PGM2: variants seen among roughly 807,000 people sequenced by gnomAD.
PGM2 encodes the protein phosphopentomutase.
A neutral mutation model predicts 74.6 loss-of-function variants in PGM2; 57 were observed. That is an observed-to-expected ratio of 0.76 (90% CI 0.62 to 0.95). The LOEUF is 0.95. Ranked by LOEUF, PGM2 falls within the 40% of genes least tolerant of loss-of-function variation. The pLI, the probability that PGM2 is intolerant of heterozygous loss-of-function variation, is 0.00. For synonymous variants in PGM2, 273 were observed against 260.7 expected (o/e 1.05, Z -0.46); for missense variants, 706 against 741.9 (o/e 0.95, Z 0.56).
rs1168617184 is a variant in PGM2 at position 37,850,303 on chromosome 4, G to A, written c.1532G>A (p.Gly511Asp). The A allele has an allele frequency of 3.8e-6, 6 of 1,590,722 alleles. No homozygotes were observed. The East Asian group carries it at 1.4e-4, about 36-fold the overall frequency. Reference protein sequence around the residue: ...DGKNNYPKACGKFEISAIRDL... With the variant: ...DGKNNYPKACDKFEISAIRDL... ...AAAAATAATTATCCAAAAGCTTGTGGCAAATTTGAAATTTCTGCCATTAGG... is the reference window on the plus strand; with the variant it reads ...AAAAATAATTATCCAAAAGCTTGTGACAAATTTGAAATTTCTGCCATTAGG... Residue 511 changes from glycine (G) to aspartate (D), a missense_variant, in exon 12 of 14, where the codon GGC (glycine) becomes GAC (aspartate). Physicochemically the swap from Gly to Asp is moderately conservative, Grantham distance 94 (BLOSUM62 -1). This residue lies in a region of PGM2 where 359 missense variants were observed against 371.1 expected (regional missense o/e 0.97). Transcript: ENST00000381967.
At chr4:37,837,379 A>C in intron 3 of PGM2, 150 bp from the exon 4 acceptor site, 1 of 665,400 alleles carries the variant, frequency 1.5e-6, no homozygotes, top group Non-Finnish European at 2.7e-6. Flanking sequence ...TTACTGTCCC[A>C]TGCCAGGGTA....
chr4:37,846,811 C>G, intron 8 of PGM2, 120 bp from the exon 9 acceptor site: 1 of 743,238 alleles, frequency 1.3e-6, no homozygotes, highest in East Asian at 2.5e-5. Flanking sequence ...ATAACAAGAA[C>G]AGCCTTGCAG....
At chr4:37,852,625 A>G (rs1209819906) in intron 12 of PGM2, among the ~76,000 whole-genome samples, 1 of 152,194 alleles carries the variant, frequency 6.6e-6, no homozygotes, top group Non-Finnish European at 1.5e-5. Flanking sequence ...GCATTGCTCC[A>G]TTATTGTTGG....
chr4:37,850,052 T>G, intron 11 of PGM2, 132 bp from the exon 12 acceptor site: 1 of 560,544 alleles, frequency 1.8e-6, no homozygotes. Flanking sequence ...CCTCACAAAG[T>G]GCTGGGATTA....
In PGM2 at chr4:37,848,601, A is replaced by C; in HGVS notation, c.1362A>C (p.Leu454=). ...AVISAELASF[L]ATKNLSLSQQ... ...TAAGTGCAGAGTTGGCTAGCTTCCT[A>C]GCAACCAAGAATTTGTCTTTGTCTC... Residue 454 remains leucine, a synonymous_variant, in exon 11 of 14, where the codon CTA becomes CTC. Coordinates refer to ENST00000381967, the MANE Select transcript of PGM2 (RefSeq NM_018290.4). 1.2e-6 allele frequency: 2 copies of C among 1,613,886 alleles called. No homozygotes were observed. The highest frequency in any genetic ancestry group is 1.7e-6 in the Non-Finnish European group (2 of 1,179,736).
At chr4:37,857,225 T>TAGA (rs1553887327) in intron 13 of PGM2, among the ~76,000 whole-genome samples, 1 of 152,230 alleles carries the variant, frequency 6.6e-6, no homozygotes, top group Non-Finnish European at 1.5e-5. Context: ...TTCAAGTTCT[T>TAGA]AGTAGCCACA....
chr4:37,834,106 A>G (rs1725502803), intron 2 of PGM2, among the ~76,000 whole-genome samples: 1 of 152,168 alleles, frequency 6.6e-6, no homozygotes, highest in Admixed American at 6.5e-5. Flanking sequence ...AGGTCAAGAC[A>G]GGAGGATTAT....
At position 37,850,364 on chromosome 4, in the gene PGM2, T is replaced by TA. The variant is rs1323889229; in HGVS notation, c.1599dup (p.Ala534SerfsTer6). 8 of 1,525,808 alleles carry TA rather than the reference T, an allele frequency of 5.2e-6. No individual in the cohort carries two copies. The highest frequency in any genetic ancestry group is 7.0e-6 in the Non-Finnish European group (8 of 1,142,186). The allele number at this position is 1,525,808 out of a possible 1,614,324, so 94.5% of individuals were successfully genotyped here. ...CTGGCTATGATGATAGCCAACCTGA[T>TA]AAAAAAGCTGTAAGTAATGTCTTCT... On this transcript the variant is annotated frameshift_variant, in exon 12 of 14. Transcript: ENST00000381967. LOFTEE classifies it high-confidence loss of function.
chr4:37,845,706 T>G lies in PGM2; in HGVS notation c.983T>G (p.Leu328Arg), dbSNP rs1425552237. The change falls in exon 8 of 14, where the codon CTT (leucine) becomes CGT (arginine). Residue 328 changes from leucine to arginine, a missense_variant. Leu to Arg is a moderately radical substitution (Grantham distance 102). Transcript: ENST00000381967. ...GCTAACGACCCGGATGCTGATAGAC[T>G]TGCTGTGGCAGAAAAGCAAGACAGG... ...VLANDPDADR[L>R]AVAEKQDSGE... The G allele has an allele frequency of 6.2e-7, 1 of 1,612,400 alleles. No individual in the cohort carries two copies. Among genetic ancestry groups the G allele is most frequent in the African/African-American group, 1.3e-5 (1 of 74,900 alleles).
chr4:37,855,332 A>C (rs1376557712), intron 12 of PGM2, among the ~76,000 whole-genome samples: 1 of 152,202 alleles, frequency 6.6e-6, no homozygotes, highest in Admixed American at 6.5e-5. Context: ...TTCACTCAAC[A>C]TAATGTCTTC....
chr4:37,845,634 CTT>C lies in PGM2; in HGVS notation c.913_914del (p.Leu305ValfsTer6). 6.3e-7 allele frequency: 1 copy of C among 1,595,230 alleles called. No homozygotes were observed. Among genetic ancestry groups the C allele is most frequent in the Non-Finnish European group, 8.6e-7 (1 of 1,162,952 alleles). Reference sequence around the variant, plus strand: ...TTTTATTTTCATATTCTTCTTCAGACTTTGTCTTTTGCTTTGGCTGACAAAAC... The same window carrying C: ...TTTTATTTTCATATTCTTCTTCAGACTGTCTTTTGCTTTGGCTGACAAAAC... On this transcript the variant is annotated frameshift_variant and splice_region_variant, in exon 8 of 14. Coordinates refer to ENST00000381967, the MANE Select transcript of PGM2 (RefSeq NM_018290.4). LOFTEE classifies it high-confidence loss of function.
At position 37,845,014 on chromosome 4, in the gene PGM2, G is replaced by A. The variant is rs1378465657; in HGVS notation, c.909+461G>A. On this transcript the variant is annotated intron_variant, in intron 7 of 13. Transcript: ENST00000381967. ...AAAAAAACAAGAAGTATGTATATTT[G>A]TTAGTCATTAATTTCTTAAAGGATC... Among the ~76,000 whole-genome samples the A allele has an allele frequency of 4.7e-5, 7 of 149,030 alleles. No homozygotes were observed. The South Asian group carries it at 1.5e-3, about 32-fold the overall frequency.
At chr4:37,860,906 G>T (rs1170619069) in intron 13 of PGM2, among the ~76,000 whole-genome samples, 1 of 152,148 alleles carries the variant, frequency 6.6e-6, no homozygotes, top group African/African-American at 2.4e-5. Flanking sequence ...TACTTCAGTT[G>T]TGAATCTTTG....
chr4:37,834,567 T>C (rs1725515684), intron 2 of PGM2, 51 bp from the exon 3 acceptor site: 1 of 900,030 alleles, frequency 1.1e-6, no homozygotes, highest in Non-Finnish European at 1.8e-6. Context: ...CTATATGGTA[T>C]ATATAAAAAT....
At chr4:37,828,703 C>G (rs1004687230) in intron 1 of PGM2, among the ~76,000 whole-genome samples, 1 of 149,814 alleles carries the variant, frequency 6.7e-6, no homozygotes, top group African/African-American at 2.5e-5. Flanking sequence ...TAAGATTTTC[C>G]AGACCTACAC....
At chr4:37,854,971 T>C (rs1354606640) in intron 12 of PGM2, among the ~76,000 whole-genome samples, 1 of 152,234 alleles carries the variant, frequency 6.6e-6, no homozygotes, top group African/African-American at 2.4e-5. Flanking sequence ...AATGTATACA[T>C]TGTGATAGCT....
At position 37,845,711 on chromosome 4, in the gene PGM2, G is replaced by C; in HGVS notation, c.988G>C (p.Val330Leu). The C allele has an allele frequency of 6.2e-7, 1 of 1,611,154 alleles. No individual in the cohort carries two copies. Among genetic ancestry groups the C allele is most frequent in the Non-Finnish European group, 8.5e-7 (1 of 1,177,302 alleles). ...CGACCCGGATGCTGATAGACTTGCTGTGGCAGAAAAGCAAGACAGGTAAAA... is the reference window on the plus strand; with the variant it reads ...CGACCCGGATGCTGATAGACTTGCTCTGGCAGAAAAGCAAGACAGGTAAAA... ...ANDPDADRLA[V>L]AEKQDSGEWR... Residue 330 changes from valine (V) to leucine (L), a missense_variant, in exon 8 of 14, where the codon GTG becomes CTG. Coordinates refer to ENST00000381967, the MANE Select transcript of PGM2 (RefSeq NM_018290.4).
intron 8 of PGM2, 34 bp downstream of exon 8, chr4:37,845,764 CA>C (rs780759117): frequency 2.4e-6 from 3 of 1,255,302 alleles, no homozygotes; most frequent in Non-Finnish European, 3.5e-6. Context: ...TATTATAGAA[CA>C]TATAAAGGAT....
chr4:37,835,497 A>C (rs1725544739), intron 3 of PGM2, among the ~76,000 whole-genome samples: 1 of 152,256 alleles, frequency 6.6e-6, no homozygotes, highest in Admixed American at 6.5e-5. Context: ...GGCTGTAGTT[A>C]CCAACCCCTG....
Sources: gnomAD v4.1 joint callset for allele counts (sites outside exome capture counted in the v4.1 genomes callset) on GRCh38, gnomAD v4.1.1 for gene constraint, gnomAD v4.1.1 regional missense constraint, MANE v1.5 for transcripts, NCBI Gene and HGNC (gene_info 2026-07-23, HGNC 2026-07-21) for gene names.